SV2B: variants seen among roughly 807,000 people sequenced by gnomAD.
SV2B encodes synaptic vesicle glycoprotein 2B.
A neutral mutation model predicts 73.9 loss-of-function variants in SV2B; 41 were observed. The observed-to-expected ratio is 0.56, with a 90% confidence interval of 0.43 to 0.72. The LOEUF is 0.72. Ranked by LOEUF, SV2B falls within the 30% of genes least tolerant of loss-of-function variation. The pLI, the probability that SV2B is intolerant of heterozygous loss-of-function variation, is 0.00. For missense variants in SV2B, 764 were observed against 857.8 expected (o/e 0.89, Z 1.37); for synonymous variants, 314 against 314.2 (o/e 1.00, Z 0.01).
At position 91,178,205 on chromosome 15, in the gene SV2B, T is replaced by C. The variant is rs1216193406; in HGVS notation, c.-391-47668T>C. Among the ~76,000 whole-genome samples the C allele has an allele frequency of 6.2e-4, 93 of 151,140 alleles. 1 individual carries two copies. In the East Asian group the frequency reaches 0.016, roughly 27 times the overall value. ...ATGCTGGATTACATTTATTGATTTG[T>C]GTATGTTGAACCAGCCTTGCATCCC... is the stretch of plus-strand genomic sequence containing the variant. On this transcript the variant is annotated intron_variant, in intron 1 of 12. Coordinates refer to ENST00000394232, the MANE Select transcript of SV2B (RefSeq NM_001323032.3).
At chr15:91,126,349 A>G (rs1419343381) in intron 1 of SV2B, among the ~76,000 whole-genome samples, 1 of 152,216 alleles carries the variant, frequency 6.6e-6, no homozygotes, top group Non-Finnish European at 1.5e-5. Context: ...GGTGCTGATC[A>G]TGCCAAGATG....
At chr15:91,174,850 G>A (rs1406197920) in intron 1 of SV2B, among the ~76,000 whole-genome samples, 6 of 152,196 alleles carry the variant, frequency 3.9e-5, no homozygotes, top group Admixed American at 3.9e-4. Flanking sequence ...TTCAGCTGGA[G>A]GGACAGACAC....
At chr15:91,251,709 C>G (rs1421447766) in intron 2 of SV2B, 110 bp from the exon 3 acceptor site, 1 of 1,276,172 alleles carries the variant, frequency 7.8e-7, no homozygotes, top group Non-Finnish European at 1.1e-6. Context: ...GTGTCTATGA[C>G]ACAGAAATTC....
At chr15:91,270,786 G>A (rs906906461) in intron 9 of SV2B, among the ~76,000 whole-genome samples, 1 of 150,082 alleles carries the variant, frequency 6.7e-6, no homozygotes, top group Non-Finnish European at 1.5e-5. Flanking sequence ...TGTGGATGAT[G>A]GGGGGATGGT....
intron 1 of SV2B, among the ~76,000 whole-genome samples, chr15:91,131,821 G>A (rs1230940213): frequency 2.0e-5 from 3 of 152,124 alleles, no homozygotes; most frequent in African/African-American, 7.2e-5. Context: ...AAATTAGCTG[G>A]GTGCGGTGGC....
At chr15:91,144,752 G>A (rs1290402526) in intron 1 of SV2B, among the ~76,000 whole-genome samples, 2 of 152,240 alleles carry the variant, frequency 1.3e-5, no homozygotes, top group South Asian at 2.1e-4. Flanking sequence ...TTATTCCATG[G>A]CACTCAGCCT....
At chr15:91,104,335 A>AT (rs2041819271) in intron 1 of SV2B, among the ~76,000 whole-genome samples, 1 of 152,190 alleles carries the variant, frequency 6.6e-6, no homozygotes, top group Non-Finnish European at 1.5e-5. Flanking sequence ...GTGGTCACTC[A>AT]TCCTCTGGCA....
intron 1 of SV2B, among the ~76,000 whole-genome samples, chr15:91,170,554 T>C (rs2044088066): frequency 6.6e-6 from 1 of 152,220 alleles, no homozygotes; most frequent in South Asian, 2.1e-4. Flanking sequence ...CCCAAAGTAC[T>C]GGGATTACAG....
chr15:91,201,022 C>G (rs554450359), intron 1 of SV2B, among the ~76,000 whole-genome samples: 1 of 152,270 alleles, frequency 6.6e-6, no homozygotes, highest in Admixed American at 6.5e-5. Context: ...CATAAGATAA[C>G]CATTTTATGT....
rs869274294 is a variant in SV2B at position 91,272,828 on chromosome 15, CTTTTTTTTTTTTTT to C, written c.1373+4234_1373+4247del. On this transcript the variant is annotated intron_variant, in intron 9 of 12. Transcript: ENST00000394232. Reference sequence around the variant, plus strand: ...AGGGGGGATAAATGAGCATATTCGTCTTTTTTTTTTTTTTTTTTTTTTTTGATGGAGTCTCACTC... The same window carrying C: ...AGGGGGGATAAATGAGCATATTCGTCTTTTTTTTTTGATGGAGTCTCACTC... 3.2e-5 allele frequency among the ~76,000 whole-genome samples: 3 copies of C among 92,882 alleles called. 1 individual carries two copies. The South Asian group carries it at 1.1e-3, about 35-fold the overall frequency. 60.9% of individuals were successfully genotyped at this position (92,882 alleles called of 152,430 possible).
rs1376269666 is a variant in SV2B, at chr15:91,296,665, A to C, written c.*4113A>C. On this transcript the variant is annotated 3_prime_UTR_variant, in exon 13 of 13. Coordinates refer to ENST00000394232, the MANE Select transcript of SV2B (RefSeq NM_001323032.3). ...CTTTCTGCCTGATCGTTGGGAGCAC[A>C]CCCCTTCTGCCTGATCATTGGGAGC... The C allele has an allele frequency of 7.7e-6, 1 of 130,520 alleles. No homozygotes were observed. Among genetic ancestry groups the C allele is most frequent in the African/African-American group, 3.0e-5 (1 of 33,298 alleles). The allele number at this position is 130,520 out of a possible 1,614,324, so 8.1% of individuals were successfully genotyped here.
intron 6 of SV2B, 22 bp from the exon 7 acceptor site, chr15:91,266,560 A>G (rs1005817363): frequency 1.6e-5 from 25 of 1,581,780 alleles, no homozygotes; most frequent in South Asian, 2.2e-5. Flanking sequence ...CAAATTCTCT[A>G]TATCCTATTT....
chr15:91,222,888 T>C (rs2046262816), intron 1 of SV2B, among the ~76,000 whole-genome samples: 1 of 152,258 alleles, frequency 6.6e-6, no homozygotes, highest in African/African-American at 2.4e-5. Flanking sequence ...GTGGTTGTTT[T>C]ATCATAGCTG....
chr15:91,252,620 C>CGGGA lies in SV2B; in HGVS notation c.784+100_784+101insGGGA. 1.5e-6 allele frequency: 2 copies of CGGGA among 1,302,470 alleles called. No individual in the cohort carries two copies. The highest frequency in any genetic ancestry group is 2.0e-6 in the Non-Finnish European group (2 of 1,000,714). The allele number at this position is 1,302,470 out of a possible 1,614,324, so 80.7% of individuals were successfully genotyped here. A position where few individuals can be genotyped will look rare whatever the true frequency, so the allele number is the denominator to read the frequency against. On this transcript the variant is annotated intron_variant, in intron 4 of 12. Transcript: ENST00000394232. This position sits in a 1 kb window ranked among gnomAD's most constrained non-coding sequence, Gnocchi z 4.6. Reference sequence around the variant, plus strand: ...CAGCCTTATTCCATGTACTCACGCACAGTTCCCGTACGTGACCTTGATCTT... The same window carrying CGGGA: ...CAGCCTTATTCCATGTACTCACGCACGGGAAGTTCCCGTACGTGACCTTGATCTT...
At chr15:91,215,389 G>A (rs2045990162) in intron 1 of SV2B, among the ~76,000 whole-genome samples, 1 of 152,142 alleles carries the variant, frequency 6.6e-6, no homozygotes, top group Non-Finnish European at 1.5e-5. Context: ...ATGGGAGCCA[G>A]GCGTCTGCAT....
chr15:91,224,129 G>T lies in SV2B; in HGVS notation c.-391-1744G>T, dbSNP rs1458133990. ...ACCAGGAGGGCCAGGAAGCAGGTGTGGGGCAGAGGGCCCAGGGATGGGCTG... is the reference window on the plus strand; with the variant it reads ...ACCAGGAGGGCCAGGAAGCAGGTGTTGGGCAGAGGGCCCAGGGATGGGCTG... On this transcript the variant is annotated intron_variant, in intron 1 of 12. Coordinates refer to ENST00000394232, the MANE Select transcript of SV2B (RefSeq NM_001323032.3). The surrounding 1 kb of genome is among the most constrained non-coding windows in gnomAD (Gnocchi z 4.9). Among the ~76,000 whole-genome samples the T allele has an allele frequency of 2.6e-5, 4 of 152,238 alleles. No individual in the cohort carries two copies. Among genetic ancestry groups the T allele is most frequent in the Non-Finnish European group, 5.9e-5 (4 of 68,038 alleles).
At chr15:91,161,322 T>C (rs1304069195) in intron 1 of SV2B, among the ~76,000 whole-genome samples, 1 of 152,284 alleles carries the variant, frequency 6.6e-6, no homozygotes, top group African/African-American at 2.4e-5. Context: ...TAATCAACTA[T>C]TAAAAATGTT....
At chr15:91,191,489 C>T (rs939613260) in intron 1 of SV2B, among the ~76,000 whole-genome samples, 1 of 152,074 alleles carries the variant, frequency 6.6e-6, no homozygotes, top group Non-Finnish European at 1.5e-5. Flanking sequence ...TAGCAAAAAT[C>T]TCTCTACTCT....
At position 91,245,597 on chromosome 15, in the gene SV2B, G is replaced by T. The variant is rs1053869943; in HGVS notation, c.452-6222G>T. On this transcript the variant is annotated intron_variant, in intron 2 of 12. Transcript: ENST00000394232. The surrounding 1 kb of genome is among the most constrained non-coding windows in gnomAD (Gnocchi z 4.2). Reference sequence around the variant, plus strand: ...TTTTATTTATTGAACAAATATTAATGGAGTACCTACTATGTGTACATCTCT... The same window carrying T: ...TTTTATTTATTGAACAAATATTAATTGAGTACCTACTATGTGTACATCTCT... 1.3e-5 allele frequency among the ~76,000 whole-genome samples: 2 copies of T among 152,158 alleles called. No homozygotes were observed. The highest frequency in any genetic ancestry group is 1.3e-4 in the Admixed American group (2 of 15,274).
Sources: gnomAD v4.1 joint callset for allele counts (sites outside exome capture counted in the v4.1 genomes callset) on GRCh38, gnomAD v4.1.1 for gene constraint, Gnocchi (gnomAD v3.1) non-coding constraint, MANE v1.5 for transcripts, NCBI Gene and HGNC (gene_info 2026-07-23, HGNC 2026-07-21) for gene names.